Variants in ADAMTSL1 observed in about 807,000 individuals in gnomAD.
ADAMTSL1 encodes the protein ADAMTS like 1.
In ADAMTSL1, 126 loss-of-function variants were observed where a neutral mutation model predicts 201.8. The observed-to-expected ratio is 0.62, with a 90% CI of 0.54 to 0.72. ADAMTSL1 has a LOEUF of 0.72. ADAMTSL1 is among the 30% of genes least tolerant of loss of function. The probability of loss-of-function intolerance (pLI) is 0.00; values close to 1 mark genes in which losing one functional copy is unlikely to be tolerated. For synonymous variants in ADAMTSL1, 1,121 were observed against 903.4 expected (o/e 1.24, Z -4.32); for missense variants, 2,679 against 2,277.8 (o/e 1.18, Z -3.59).
chr9:18,103,725 G>A (rs1322602890), intron 1 of ADAMTSL1, among the ~76,000 whole-genome samples: 1 of 152,144 alleles, frequency 6.6e-6, no homozygotes, highest in Non-Finnish European at 1.5e-5. Context: ...TTTTTGAAGT[G>A]AAATTTAGAT....
At chr9:18,009,960 TCTTAA>T (rs1819984409) in intron 1 of ADAMTSL1, among the ~76,000 whole-genome samples, 1 of 152,002 alleles carries the variant, frequency 6.6e-6, no homozygotes, top group African/African-American at 2.4e-5. Context: ...CATTTCTCGC[TCTTAA>T]CTTCATGAAC....
At chr9:18,351,976 G>A (rs191347058) in intron 2 of ADAMTSL1, among the ~76,000 whole-genome samples, 2 of 152,234 alleles carry the variant, frequency 1.3e-5, no homozygotes, top group East Asian at 1.9e-4. Flanking sequence ...CAATCACTCC[G>A]TAATTTGTAG....
intron 1 of ADAMTSL1, among the ~76,000 whole-genome samples, chr9:18,052,360 C>G (rs892057989): frequency 1.3e-5 from 2 of 152,170 alleles, no homozygotes; most frequent in African/African-American, 4.8e-5. Context: ...GTTGAGAGGT[C>G]AGAGAAGGGT....
chr9:18,513,447 G>T (rs1407603775), intron 2 of ADAMTSL1, among the ~76,000 whole-genome samples: 2 of 152,184 alleles, frequency 1.3e-5, no homozygotes, highest in African/African-American at 4.8e-5. Flanking sequence ...AATGGCCTCA[G>T]AGTTCATTCA....
At chr9:18,804,968 A>G (rs776544010) in intron 20 of ADAMTSL1, among the ~76,000 whole-genome samples, 3 of 152,234 alleles carry the variant, frequency 2.0e-5, no homozygotes, top group Non-Finnish European at 4.4e-5. Flanking sequence ...AAACTAAAAT[A>G]TTACCTTATA....
intron 1 of ADAMTSL1, among the ~76,000 whole-genome samples, chr9:18,479,267 C>T (rs1410907166): frequency 2.0e-5 from 3 of 152,220 alleles, no homozygotes; most frequent in Non-Finnish European, 4.4e-5. Flanking sequence ...AGTTTTCTGG[C>T]CACGTCAAGA....
intron 2 of ADAMTSL1, among the ~76,000 whole-genome samples, chr9:18,347,533 T>A (rs915851706): frequency 6.6e-6 from 1 of 152,152 alleles, no homozygotes; most frequent in East Asian, 1.9e-4. Flanking sequence ...CTGGGAGGGA[T>A]CTATGTGACA....
At chr9:18,471,248 C>G (rs1440181688), upstream of ADAMTSL1, among the ~76,000 whole-genome samples, 1 of 152,100 alleles carries the variant, frequency 6.6e-6, no homozygotes, top group Non-Finnish European at 1.5e-5. Flanking sequence ...CTGCCAACAT[C>G]TGAATATATG....
Position 18,706,396 on chromosome 9 carries a change from A to G in ADAMTSL1, c.1575-351A>G, listed in dbSNP as rs187271809. Among the ~76,000 whole-genome samples the G allele has an allele frequency of 2.8e-4, 42 of 152,330 alleles. No homozygotes were observed. The East Asian group carries it at 7.9e-3, about 29-fold the overall frequency. On this transcript the variant is annotated intron_variant, in intron 13 of 28. Transcript: ENST00000380548. ...CATCCTATTTTATTAGTGGGGTCTT[A>G]TAAAACAAATTCCTATCTCATTGGA...
At chr9:18,674,745 G>C (rs1830040188) in intron 9 of ADAMTSL1, among the ~76,000 whole-genome samples, 1 of 152,230 alleles carries the variant, frequency 6.6e-6, no homozygotes, top group South Asian at 2.1e-4. Flanking sequence ...GAATACATGA[G>C]TTCCTTCAAT....
At chr9:18,270,943 G>T (rs1255379300) in intron 2 of ADAMTSL1, among the ~76,000 whole-genome samples, 1 of 152,164 alleles carries the variant, frequency 6.6e-6, no homozygotes, top group Non-Finnish European at 1.5e-5. Flanking sequence ...ACCCTAAGAA[G>T]GGAGTAGGAC....
At chr9:18,366,553 G>T (rs966530186) in intron 2 of ADAMTSL1, among the ~76,000 whole-genome samples, 26 of 148,644 alleles carry the variant, frequency 1.7e-4, no homozygotes, top group African/African-American at 5.5e-4. Context: ...TATATTCATT[G>T]TGGTATGTTA....
intron 7 of ADAMTSL1, among the ~76,000 whole-genome samples, chr9:18,651,677 A>C (rs1161319136): frequency 6.6e-6 from 1 of 152,180 alleles, no homozygotes; most frequent in African/African-American, 2.4e-5. Flanking sequence ...AATTGTTACC[A>C]AAATTGCATC....
At chr9:18,374,851 C>T (rs2791443) in intron 2 of ADAMTSL1, among the ~76,000 whole-genome samples, 55,681 of 152,088 alleles carry the variant, frequency 0.37, 10,457 homozygotes, top group Non-Finnish European at 0.42. Context: ...TCCATTTTCA[C>T]ATCACTTATG....
At chr9:18,594,696 A>T (rs749564363) in intron 4 of ADAMTSL1, among the ~76,000 whole-genome samples, 1 of 152,174 alleles carries the variant, frequency 6.6e-6, no homozygotes, top group South Asian at 2.1e-4. Flanking sequence ...AATTTCTCTG[A>T]TAAATTTTTG....
chr9:18,137,268 A>C (rs1028152512), intron 1 of ADAMTSL1, among the ~76,000 whole-genome samples: 3 of 152,216 alleles, frequency 2.0e-5, no homozygotes, highest in African/African-American at 7.2e-5. Flanking sequence ...ATAAATTAAC[A>C]TAAGTTTGAA....
intron 1 of ADAMTSL1, among the ~76,000 whole-genome samples, chr9:17,950,709 T>C (rs1186523067): frequency 2.0e-5 from 3 of 152,092 alleles, no homozygotes. Flanking sequence ...CTGATAAACA[T>C]ATACATTTAT....
chr9:18,194,835 C>T (rs1286853659), intron 2 of ADAMTSL1, among the ~76,000 whole-genome samples: 1 of 152,062 alleles, frequency 6.6e-6, no homozygotes, highest in Admixed American at 6.6e-5. Context: ...AGTTGTCCCG[C>T]CTTTATTCCT....
At chr9:17,989,533 C>G (rs946319585) in intron 1 of ADAMTSL1, among the ~76,000 whole-genome samples, 1 of 151,906 alleles carries the variant, frequency 6.6e-6, no homozygotes, top group African/African-American at 2.4e-5. Flanking sequence ...AAGTTAATTA[C>G]TTTAAATGAA....
Sources: gnomAD v4.1 joint callset for allele counts (sites outside exome capture counted in the v4.1 genomes callset) on GRCh38, gnomAD v4.1.1 for gene constraint, MANE v1.5 for transcripts, NCBI Gene and HGNC (gene_info 2026-07-23, HGNC 2026-07-21) for gene names.